The following ZEB2 variants were observed in gnomAD, a reference collection of about 807,000 sequenced individuals.
ZEB2 encodes the protein zinc finger E-box binding homeobox 2.
Under a neutral mutation model 99.9 loss-of-function variants are expected in ZEB2, and 6 were observed. That is an observed-to-expected ratio of 0.06 (90% CI 0.03 to 0.12). ZEB2 has a LOEUF of 0.12. Ranked by LOEUF, ZEB2 falls within the 10% of genes least tolerant of loss-of-function variation. ZEB2 has a pLI of 1.00. For synonymous variants in ZEB2, 517 were observed against 542.5 expected, an observed-to-expected ratio of 0.95 and a Z score of 0.65; for missense variants, 969 against 1,502.8, an observed-to-expected ratio of 0.64 and a Z score of 5.87.
intron 2 of ZEB2, among the ~76,000 whole-genome samples, chr2:144,466,926 G>A (rs1266625193): frequency 1.3e-5 from 2 of 152,132 alleles, no homozygotes; most frequent in Admixed American, 6.6e-5. Context: ...GCTGTAGGAT[G>A]TGCTGCAGGT....
At chr2:144,417,465 G>A (rs1236419543) in intron 4 of ZEB2, among the ~76,000 whole-genome samples, 1 of 152,186 alleles carries the variant, frequency 6.6e-6, no homozygotes, top group East Asian at 1.9e-4. Flanking sequence ...CATGAGAACA[G>A]CTTTTTAGAT....
chr2:144,432,353 T>TAAGTG (rs1703785014), intron 2 of ZEB2, among the ~76,000 whole-genome samples: 1 of 152,198 alleles, frequency 6.6e-6, no homozygotes, highest in East Asian at 1.9e-4. Context: ...TATGCCATCT[T>TAAGTG]TTCTAGCGCT....
At position 144,398,834 on chromosome 2, in the gene ZEB2, G is replaced by C. The variant is rs1703266486; in HGVS notation, c.2353C>G (p.Pro785Ala). 6.2e-7 allele frequency: 1 copy of C among 1,614,034 alleles called. No individual in the cohort carries two copies. Among genetic ancestry groups the C allele is most frequent in the Non-Finnish European group, 8.5e-7 (1 of 1,180,022 alleles). The change falls in exon 8 of 10, where the codon CCC becomes GCC. Residue 785 changes from proline to alanine, a missense_variant. Pro to Ala is a conservative substitution (Grantham distance 27, BLOSUM62 -1). This residue lies in a region of ZEB2 where 346 missense variants were observed against 460.0 expected (regional missense o/e 0.75). Coordinates refer to ENST00000627532, the MANE Select transcript of ZEB2 (RefSeq NM_014795.4). The stretch of plus-strand genomic sequence containing the variant: ...GAAGATGTGGAGGAAAGATTTAAGG[G>C]AGAAGGAGTATTACTCCTGGAGTGG... ...LDHSRSNTPS[P>A]LNLSSTSSKN...
intron 2 of ZEB2, among the ~76,000 whole-genome samples, chr2:144,491,696 C>T (rs1704684392): frequency 6.6e-6 from 1 of 152,210 alleles, no homozygotes; most frequent in African/African-American, 2.4e-5. Flanking sequence ...TTCACACATG[C>T]TTTACCAACT....
chr2:144,417,660 T>C (rs1238969918), intron 4 of ZEB2, among the ~76,000 whole-genome samples: 1 of 152,212 alleles, frequency 6.6e-6, no homozygotes, highest in African/African-American at 2.4e-5. Flanking sequence ...GATGGACATT[T>C]AGGCTGATTC....
intron 6 of ZEB2, 126 bp downstream of exon 6, chr2:144,403,790 C>T (rs1196081771): frequency 6.7e-6 from 8 of 1,198,348 alleles, no homozygotes; most frequent in Non-Finnish European, 6.1e-6. Context: ...TCAATTAAAG[C>T]TATTACCATT....
intron 4 of ZEB2, among the ~76,000 whole-genome samples, chr2:144,421,302 A>G (rs1703615789): frequency 6.6e-6 from 1 of 152,224 alleles, no homozygotes; most frequent in African/African-American, 2.4e-5. Context: ...AATTCAGCCA[A>G]TAGCAGGAGC....
At chr2:144,468,647 A>T (rs2149908106) in intron 2 of ZEB2, among the ~76,000 whole-genome samples, 1 of 148,702 alleles carries the variant, frequency 6.7e-6, no homozygotes, top group East Asian at 2.0e-4. Context: ...GTACATGCAC[A>T]CACATGTTTG....
At chr2:144,504,406 C>T (rs1467688821) in intron 2 of ZEB2, 8 of 152,708 alleles carry the variant, frequency 5.2e-5, no homozygotes, top group Non-Finnish European at 1.0e-4. Flanking sequence ...TTGAAAAGCT[C>T]TCGCTCTCAA....
At chr2:144,421,207 A>G (rs1437298570) in intron 4 of ZEB2, among the ~76,000 whole-genome samples, 1 of 152,188 alleles carries the variant, frequency 6.6e-6, no homozygotes, top group Non-Finnish European at 1.5e-5. Context: ...GATGGAGACC[A>G]TTCCAGGATC....
chr2:144,498,566 A>G (rs1704823155), intron 2 of ZEB2, among the ~76,000 whole-genome samples: 1 of 152,148 alleles, frequency 6.6e-6, no homozygotes, highest in African/African-American at 2.4e-5. Context: ...GTGAAAGGAG[A>G]GGGATCATGG....
At chr2:144,440,507 ATATATATATTTTT>A (rs1341385206) in intron 2 of ZEB2, among the ~76,000 whole-genome samples, 42 of 14,860 alleles carry the variant, frequency 2.8e-3, no homozygotes, top group Non-Finnish European at 5.6e-3. Context: ...ATATATATAT[ATATATATATTTTT>A]TTTTTTTTTT....
intron 2 of ZEB2, among the ~76,000 whole-genome samples, chr2:144,453,978 CA>C (rs563723174): frequency 6.6e-6 from 1 of 152,168 alleles, no homozygotes; most frequent in Non-Finnish European, 1.5e-5. Flanking sequence ...TATATTAGTA[CA>C]TACCTAGGAA....
intron 2 of ZEB2, among the ~76,000 whole-genome samples, chr2:144,433,436 A>G (rs1264416791): frequency 6.6e-6 from 1 of 152,186 alleles, no homozygotes; most frequent in African/African-American, 2.4e-5. Context: ...AGATAAAACT[A>G]TTTGCATATG....
chr2:144,489,754 T>C (rs575440973), intron 2 of ZEB2, among the ~76,000 whole-genome samples: 12 of 152,304 alleles, frequency 7.9e-5, no homozygotes, highest in Admixed American at 2.6e-4. Flanking sequence ...ACAGGGCACG[T>C]TCGTTTACAT....
At chr2:144,483,684 T>A (rs1421191498) in intron 2 of ZEB2, among the ~76,000 whole-genome samples, 1 of 152,204 alleles carries the variant, frequency 6.6e-6, no homozygotes, top group Non-Finnish European at 1.5e-5. Context: ...TTTTAAAGAA[T>A]CTACTTTTGG....
chr2:144,503,269 A>G (rs900836216), intron 2 of ZEB2, among the ~76,000 whole-genome samples: 2 of 152,196 alleles, frequency 1.3e-5, no homozygotes, highest in African/African-American at 4.8e-5. Context: ...TTGAAAACAT[A>G]TTGTTCAGAA....
chr2:144,517,037 G>A (rs1462612665), intron 2 of ZEB2, among the ~76,000 whole-genome samples: 1 of 148,800 alleles, frequency 6.7e-6, no homozygotes, highest in Non-Finnish European at 1.5e-5. Context: ...GGCCCCGGCC[G>A]GACCCCCGCG....
intron 2 of ZEB2, chr2:144,513,186 C>G: frequency 1.6e-6 from 2 of 1,287,040 alleles, no homozygotes; most frequent in Non-Finnish European, 2.0e-6. Context: ...TTCTCCGTCC[C>G]TCATTGCCTC....
Sources: allele counts gnomAD v4.1 joint callset (sites outside exome capture counted in the v4.1 genomes callset), GRCh38; gene constraint gnomAD v4.1.1; regional missense constraint gnomAD v4.1.1; transcripts MANE v1.5; gene names NCBI Gene and HGNC (gene_info 2026-07-23, HGNC 2026-07-21).